The following TMEM268 variants were observed in gnomAD, a reference collection of about 807,000 sequenced individuals.
TMEM268 encodes transmembrane protein 268, also known as transmembrane protein C9orf91.
In TMEM268, 24 loss-of-function variants were observed where a neutral mutation model predicts 39.1. That is an observed-to-expected ratio of 0.61 (90% confidence interval 0.44 to 0.86). TMEM268 has a LOEUF of 0.86. TMEM268 is among the 40% of genes least tolerant of loss of function. The pLI, the probability that TMEM268 is intolerant of heterozygous loss-of-function variation, is 0.00. For synonymous variants in TMEM268, 176 were observed against 173.5 expected, an observed-to-expected ratio of 1.01 and a Z score of -0.12; for missense variants, 409 against 428.6, an observed-to-expected ratio of 0.95 and a Z score of 0.40.
At chr9:114,633,083 A>G (rs977132409) in intron 5 of TMEM268, among the ~76,000 whole-genome samples, 6 of 149,588 alleles carry the variant, frequency 4.0e-5, no homozygotes, top group African/African-American at 1.5e-4. Flanking sequence ...ATAACCTCAC[A>G]CTCCTGGGCT....
chr9:114,633,657 G>A, intron 5 of TMEM268, 111 bp from the exon 6 acceptor site: 1 of 550,912 alleles, frequency 1.8e-6, no homozygotes, highest in Non-Finnish European at 3.2e-6. Context: ...CCTGAGGGTG[G>A]GGATTGTCCC....
At chr9:114,620,296 A>G (rs1845897800) in intron 2 of TMEM268, among the ~76,000 whole-genome samples, 2 of 152,144 alleles carry the variant, frequency 1.3e-5, no homozygotes, top group African/African-American at 2.4e-5. Context: ...CCAGGCTGGA[A>G]TACAGTGGCG....
chr9:114,645,781 T>C lies in TMEM268; in HGVS notation c.*2468T>C, dbSNP rs529157414. 6.6e-6 allele frequency: 1 copy of C among 152,414 alleles called. No homozygotes were observed. The highest frequency in any genetic ancestry group is 2.4e-5 in the African/African-American group (1 of 41,572). The allele number at this position is 152,414 out of a possible 1,614,324, so 9.4% of individuals were successfully genotyped here. On this transcript the variant is annotated 3_prime_UTR_variant, in exon 9 of 9. Coordinates refer to ENST00000288502, the MANE Select transcript of TMEM268 (RefSeq NM_153045.4). ...CCTTTCTTTAGAATTTTTGATGGTC[T>C]CACCTGGTGGGTGGGGCTTTCAGGG...
intron 8 of TMEM268, among the ~76,000 whole-genome samples, chr9:114,640,084 T>C (rs1846831068): frequency 6.6e-6 from 1 of 150,924 alleles, no homozygotes; most frequent in Admixed American, 6.6e-5. Flanking sequence ...AAATGATAAC[T>C]GTATTAACCT....
At chr9:114,622,752 T>G (rs1331432412) in intron 2 of TMEM268, among the ~76,000 whole-genome samples, 1 of 152,156 alleles carries the variant, frequency 6.6e-6, no homozygotes, top group Non-Finnish European at 1.5e-5. Flanking sequence ...TGTATTAGTT[T>G]TCTATTGCTG....
intron 2 of TMEM268, among the ~76,000 whole-genome samples, chr9:114,619,361 G>C (rs962282980): frequency 2.0e-5 from 3 of 152,102 alleles, no homozygotes; most frequent in African/African-American, 7.2e-5. Flanking sequence ...CTTAGCCTAG[G>C]TGTAAAAACA....
chr9:114,612,820 G>T (rs145805813), intron 1 of TMEM268, among the ~76,000 whole-genome samples: 39 of 152,328 alleles, frequency 2.6e-4, no homozygotes, highest in Non-Finnish European at 5.0e-4. Context: ...CCCTGAGTTT[G>T]TCTTTCCTAC....
chr9:114,641,643 C>CT (rs922663800), intron 8 of TMEM268, among the ~76,000 whole-genome samples: 10 of 149,236 alleles, frequency 6.7e-5, no homozygotes, highest in South Asian at 2.2e-4. Flanking sequence ...GATCACATGT[C>CT]TTTTTTTTTT....
At chr9:114,616,921 G>A (rs1845737961) in intron 1 of TMEM268, among the ~76,000 whole-genome samples, 197 bp from the exon 2 acceptor site, 1 of 152,052 alleles carries the variant, frequency 6.6e-6, no homozygotes, top group Non-Finnish European at 1.5e-5. Flanking sequence ...TTTGGGCCTT[G>A]GAAGGTTTTA....
At chr9:114,627,085 C>G (rs532787740) in intron 4 of TMEM268, 79 bp downstream of exon 4, 3 of 1,083,732 alleles carry the variant, frequency 2.8e-6, no homozygotes, top group South Asian at 2.7e-5. Flanking sequence ...TGTCTTGGAG[C>G]CTGTTGGTGT....
At chr9:114,631,378 C>T (rs4979447) in intron 5 of TMEM268, among the ~76,000 whole-genome samples, 104,358 of 151,388 alleles carry the variant, frequency 0.69, 36,087 homozygotes, top group East Asian at 0.73. Flanking sequence ...CAAGTTCCTA[C>T]AAATATTTGC....
chr9:114,633,825 C>T lies in TMEM268; in HGVS notation c.532C>T (p.Arg178Trp), dbSNP rs768383714. The T allele has an allele frequency of 8.7e-6, 14 of 1,606,886 alleles. No individual in the cohort carries two copies. The highest frequency in any genetic ancestry group is 4.4e-5 in the South Asian group (4 of 90,108). The stretch of plus-strand genomic sequence containing the variant: ...TGCCAATGGAGCCCTCCTGAGACAC[C>T]GGGTGCTGCTGGGGGTGACAGACAC... ...AAANGALLRH[R>W]VLLGVTDTVE... Residue 178 changes from arginine to tryptophan, a missense_variant, in exon 6 of 9, where the codon CGG becomes TGG. Coordinates refer to ENST00000288502, the MANE Select transcript of TMEM268 (RefSeq NM_153045.4).
intron 2 of TMEM268, chr9:114,621,961 TG>T: frequency 2.9e-6 from 1 of 340,078 alleles, no homozygotes; most frequent in Non-Finnish European, 4.2e-6. Context: ...ATCTGCACCC[TG>T]GCCACTGTGT....
chr9:114,635,135 G>A (rs536554605), intron 6 of TMEM268, among the ~76,000 whole-genome samples: 32 of 152,222 alleles, frequency 2.1e-4, no homozygotes, highest in African/African-American at 7.7e-4. Context: ...GAGCTCAGGA[G>A]TTCGAAACCA....
At chr9:114,628,331 C>T in intron 5 of TMEM268, 81 bp downstream of exon 5, 1 of 1,520,936 alleles carries the variant, frequency 6.6e-7, no homozygotes, top group South Asian at 1.2e-5. Context: ...CCTTTTGCCT[C>T]CCTCAAAGAA....
At chr9:114,628,392 G>C in intron 5 of TMEM268, 142 bp downstream of exon 5, 1 of 872,780 alleles carries the variant, frequency 1.1e-6, no homozygotes, top group East Asian at 2.6e-5. Flanking sequence ...GTGACTAAAA[G>C]AAATCAAATT....
chr9:114,628,259 T>C lies in TMEM268; in HGVS notation c.474+9T>C. ...AAAGACACCAGAAGAAGGTGAGATG[T>C]CTGGAGATCCCTGCCACACTCTCTC... is the stretch of plus-strand genomic sequence containing the variant. On this transcript the variant is annotated intron_variant, in intron 5 of 8. Transcript: ENST00000288502. 1 of 1,612,332 alleles carries C rather than the reference T, an allele frequency of 6.2e-7. No homozygotes were observed.
upstream of TMEM268, among the ~76,000 whole-genome samples, chr9:114,606,855 C>G (rs1201445776): frequency 1.8e-5 from 2 of 114,268 alleles, no homozygotes; most frequent in Middle Eastern, 3.9e-3. Flanking sequence ...ACATGAGCTC[C>G]AAAAGAAAAA....
At chr9:114,631,207 G>A (rs530087495) in intron 5 of TMEM268, among the ~76,000 whole-genome samples, 51 of 151,508 alleles carry the variant, frequency 3.4e-4, no homozygotes, top group African/African-American at 1.2e-3. Flanking sequence ...GGAGGCTGAG[G>A]TGGGAGGATT....
Sources: gnomAD v4.1 joint callset for allele counts (sites outside exome capture counted in the v4.1 genomes callset) on GRCh38, gnomAD v4.1.1 for gene constraint, MANE v1.5 for transcripts, NCBI Gene and HGNC (gene_info 2026-07-23, HGNC 2026-07-21) for gene names.